DNAJC3: variants seen among roughly 807,000 people sequenced by gnomAD.
DNAJC3 encodes the protein DnaJ heat shock protein family (Hsp40) member C3.
A neutral mutation model predicts 68.6 loss-of-function variants in DNAJC3; 38 were observed. The observed-to-expected ratio is 0.55, with a 90% CI of 0.43 to 0.73. The LOEUF (loss-of-function observed/expected upper bound fraction) is 0.73. DNAJC3 is among the 30% of genes least tolerant of loss of function. The pLI is 0.00. For synonymous variants in DNAJC3, 203 were observed against 204.0 expected (o/e 1.00, Z 0.04); for missense variants, 526 against 591.9 (o/e 0.89, Z 1.16).
At chr13:95,760,004 A>G in intron 5 of DNAJC3, 36 bp from the exon 6 acceptor site, 1 of 1,515,670 alleles carries the variant, frequency 6.6e-7, no homozygotes, top group Non-Finnish European at 8.8e-7. Flanking sequence ...TGCATAATTT[A>G]TTCTTTCTTA....
chr13:95,778,897 G>A (rs1337653282), intron 9 of DNAJC3, among the ~76,000 whole-genome samples: 1 of 151,874 alleles, frequency 6.6e-6, no homozygotes, highest in African/African-American at 2.4e-5. Flanking sequence ...TTATAATTTT[G>A]TATGCCAATA....
intron 4 of DNAJC3, among the ~76,000 whole-genome samples, chr13:95,727,349 G>T (rs1881564920): frequency 6.6e-6 from 1 of 152,176 alleles, no homozygotes; most frequent in South Asian, 2.1e-4. Flanking sequence ...TGTCTTTTCT[G>T]TGATCAGTAT....
At chr13:95,748,237 T>A (rs1882367694) in intron 4 of DNAJC3, among the ~76,000 whole-genome samples, 1 of 152,220 alleles carries the variant, frequency 6.6e-6, no homozygotes, top group Non-Finnish European at 1.5e-5. Context: ...TGTATTTTTT[T>A]ACTTTGACAG....
Position 95,704,851 on chromosome 13 carries a change from G to GTTTTTTTT in DNAJC3, c.83-4365_83-4358dup, listed in dbSNP as rs1193979630. On this transcript the variant is annotated intron_variant, in intron 1 of 11. Coordinates refer to ENST00000602402, the MANE Select transcript of DNAJC3 (RefSeq NM_006260.5). The stretch of plus-strand genomic sequence containing the variant: ...AGAAAGGACTAATCTGTGTGTGTGT[G>GTTTTTTTT]TTTTTTTTTTTTTTTTTTGAGACAG... Among the ~76,000 whole-genome samples the GTTTTTTTT allele has an allele frequency of 9.2e-4, 90 of 97,832 alleles. 15 individuals are homozygous for GTTTTTTTT. The highest frequency in any genetic ancestry group is 3.3e-3 in the African/African-American group (55 of 16,736). The allele number at this position is 97,832 out of a possible 152,430, so 64.2% of individuals were successfully genotyped here.
chr13:95,717,943 A>G (rs551024430), intron 2 of DNAJC3, among the ~76,000 whole-genome samples: 7 of 152,126 alleles, frequency 4.6e-5, no homozygotes, highest in Non-Finnish European at 1.0e-4. Context: ...CATTTACAAC[A>G]TCATTTGTAA....
chr13:95,742,203 G>A (rs1882167509), intron 4 of DNAJC3, among the ~76,000 whole-genome samples: 1 of 152,204 alleles, frequency 6.6e-6, no homozygotes, highest in South Asian at 2.1e-4. Flanking sequence ...TGGGCTTGCT[G>A]CTAGTGTCTT....
rs1332180631 is a variant in DNAJC3, at chr13:95,677,324, T to A, written c.69T>A (p.Asp23Glu). ...TCCCCTTCCTGCTAGTCCTGGTGGA[T>A]CTGCAGTACGAAGGTGAGTCCTGCC... ...SVFPFLLVLVDLQYEGAECGV... is the reference protein window; with the variant it reads ...SVFPFLLVLVELQYEGAECGV... Residue 23 changes from aspartate to glutamate, a missense_variant, in exon 1 of 12, where the codon GAT becomes GAA. Physicochemically the swap from Asp to Glu is conservative, Grantham distance 45. Coordinates refer to ENST00000602402, the MANE Select transcript of DNAJC3 (RefSeq NM_006260.5). 2 of 1,598,788 alleles carry A rather than the reference T, an allele frequency of 1.3e-6. No homozygotes were observed. Among genetic ancestry groups the A allele is most frequent in the Admixed American group, 3.4e-5 (2 of 58,616 alleles).
At chr13:95,685,157 CCTTGACAGCA>C (rs1176539956) in intron 1 of DNAJC3, among the ~76,000 whole-genome samples, 1 of 152,262 alleles carries the variant, frequency 6.6e-6, no homozygotes, top group African/African-American at 2.4e-5. Flanking sequence ...CATTGCCAGC[CCTTGACAGCA>C]GCCGCGTGGG....
intron 1 of DNAJC3, among the ~76,000 whole-genome samples, chr13:95,689,877 A>G (rs1179409961): frequency 6.6e-6 from 1 of 151,294 alleles, no homozygotes; most frequent in Non-Finnish European, 1.5e-5. Flanking sequence ...CCGGTTGTTT[A>G]CTTTTCATGT....
chr13:95,714,922 T>A (rs928160865), intron 2 of DNAJC3, among the ~76,000 whole-genome samples: 1 of 152,242 alleles, frequency 6.6e-6, no homozygotes. Context: ...TGCTCCTTTT[T>A]TTTTTAGCTT....
intron 1 of DNAJC3, chr13:95,692,888 T>G (rs1245620001): frequency 6.7e-6 from 1 of 149,400 alleles, no homozygotes; most frequent in Non-Finnish European, 1.5e-5. Context: ...TGGCACTATC[T>G]CGGCTCACTG....
At chr13:95,707,966 G>C (rs1054779843) in intron 1 of DNAJC3, among the ~76,000 whole-genome samples, 1 of 152,154 alleles carries the variant, frequency 6.6e-6, no homozygotes, top group African/African-American at 2.4e-5. Flanking sequence ...TCTACGAAGG[G>C]AGTCCAGGTG....
At chr13:95,783,028 A>G (rs1353198709) in intron 9 of DNAJC3, among the ~76,000 whole-genome samples, 2 of 152,216 alleles carry the variant, frequency 1.3e-5, no homozygotes, top group African/African-American at 2.4e-5. Context: ...AGTTTTCCAC[A>G]TATGGCTAGC....
At chr13:95,733,530 T>C (rs534134089) in intron 4 of DNAJC3, among the ~76,000 whole-genome samples, 1 of 152,120 alleles carries the variant, frequency 6.6e-6, no homozygotes, top group South Asian at 2.1e-4. Context: ...TAGCTGGGAC[T>C]ACAGGCGCAT....
chr13:95,695,798 C>T (rs1880422998), intron 1 of DNAJC3: 1 of 152,214 alleles, frequency 6.6e-6, no homozygotes, highest in Non-Finnish European at 1.5e-5. Flanking sequence ...AGCATTCCCG[C>T]TTCACCGTCA....
intron 1 of DNAJC3, among the ~76,000 whole-genome samples, chr13:95,685,709 A>G (rs1050774409): frequency 2.2e-4 from 34 of 152,118 alleles, no homozygotes; most frequent in African/African-American, 8.2e-4. Context: ...AGAAATCTCC[A>G]TATTGTTTTC....
rs961068333 is a variant in DNAJC3 at position 95,760,530 on chromosome 13, C to T, written c.729-149C>T. The T allele has an allele frequency of 1.8e-5, 18 of 977,776 alleles. 1 individual carries two copies. Among genetic ancestry groups the T allele is most frequent in the Middle Eastern group, 3.4e-4 (1 of 2,916 alleles). 60.6% of individuals were successfully genotyped at this position (977,776 alleles called of 1,614,324 possible). A position where few individuals can be genotyped will look rare whatever the true frequency, so the allele number is the denominator to read the frequency against. Reference sequence around the variant, plus strand: ...CAAATGTATGCATGGTACAATGCCACGTATAAATGTATATAGTAAATTATA... The same window carrying T: ...CAAATGTATGCATGGTACAATGCCATGTATAAATGTATATAGTAAATTATA... On this transcript the variant is annotated intron_variant, in intron 6 of 11. Coordinates refer to ENST00000602402, the MANE Select transcript of DNAJC3 (RefSeq NM_006260.5).
At chr13:95,720,660 A>G (rs998277919) in intron 2 of DNAJC3, among the ~76,000 whole-genome samples, 10 of 152,174 alleles carry the variant, frequency 6.6e-5, no homozygotes, top group African/African-American at 1.9e-4. Flanking sequence ...TCTTTCCTCA[A>G]GTTAATTACA....
In DNAJC3 at chr13:95,725,208, A is replaced by G; in HGVS notation, c.349A>G (p.Lys117Glu). 6.3e-7 allele frequency: 1 copy of G among 1,593,944 alleles called. No homozygotes were observed. The change falls in exon 4 of 12, where the codon AAA becomes GAA. Residue 117 changes from lysine (K) to glutamate (E), a missense_variant. By Grantham distance (56) the Lys-to-Glu change is moderately conservative. Coordinates refer to ENST00000602402, the MANE Select transcript of DNAJC3 (RefSeq NM_006260.5). ...ARLQRGHLLL[K>E]QGKLDEAEDD... ...ATTACAGAGAGGTCACTTATTACTC[A>G]AACAAGGAAAACTTGATGAAGCAGA...
Sources: gnomAD v4.1 joint callset for allele counts (sites outside exome capture counted in the v4.1 genomes callset) on GRCh38, gnomAD v4.1.1 for gene constraint, MANE v1.5 for transcripts, NCBI Gene and HGNC (gene_info 2026-07-23, HGNC 2026-07-21) for gene names.